The following RORB variants were observed in gnomAD, a reference collection of about 807,000 sequenced individuals.
RORB encodes the protein RAR related orphan receptor B.
RORB carries 6 observed loss-of-function variants against 59.1 expected under a neutral mutation model. That is an observed-to-expected ratio of 0.10 (90% CI 0.06 to 0.20). The LOEUF (loss-of-function observed/expected upper bound fraction) is 0.20. Ranked by LOEUF, RORB falls within the 10% of genes least tolerant of loss-of-function variation. RORB has a pLI of 1.00. For synonymous variants in RORB, 215 were observed against 204.5 expected, an observed-to-expected ratio of 1.05 and a Z score of -0.44; for missense variants, 320 against 560.5, an observed-to-expected ratio of 0.57 and a Z score of 4.33.
At chr9:74,592,461 G>A (rs1024207310) in intron 1 of RORB, among the ~76,000 whole-genome samples, 3 of 152,174 alleles carry the variant, frequency 2.0e-5, no homozygotes, top group Non-Finnish European at 4.4e-5. Context: ...AGAACCAAGG[G>A]CATAGAGAAA....
chr9:74,672,260 G>A, intron 9 of RORB, among the ~76,000 whole-genome samples: 1 of 152,096 alleles, frequency 6.6e-6, no homozygotes, highest in East Asian at 1.9e-4. Flanking sequence ...CCAGGTCTGG[G>A]ACAAAGTTAA....
intron 1 of RORB, chr9:74,498,340 G>T (rs907505599): frequency 7.5e-6 from 2 of 267,614 alleles, no homozygotes; most frequent in South Asian, 9.9e-5. Context: ...CTCTGGACAG[G>T]AGCAGTTTGG....
At chr9:74,591,367 A>G (rs1273120257) in intron 1 of RORB, among the ~76,000 whole-genome samples, 1 of 152,200 alleles carries the variant, frequency 6.6e-6, no homozygotes, top group Admixed American at 6.5e-5. Flanking sequence ...AGCAGGCAAA[A>G]CATCATGGTC....
rs1452977385 is a variant in RORB, at chr9:74,497,993, TCTGCGGGCACCG to T, written c.7+11_7+22del. On this transcript the variant is annotated intron_variant, in intron 1 of 9. Transcript: ENST00000376896. ...GGCCACACCATGCGAGGTAAGCGAG[TCTGCGGGCACCG>T]AGGCTCCCCGAGTCCGGCCAACTCC... The T allele has an allele frequency of 1.9e-6, 3 of 1,608,982 alleles. No homozygotes were observed. Among genetic ancestry groups the T allele is most frequent in the Non-Finnish European group, 2.5e-6 (3 of 1,179,102 alleles).
intron 1 of RORB, among the ~76,000 whole-genome samples, chr9:74,563,010 G>A (rs1253391358): frequency 6.6e-6 from 1 of 151,924 alleles, no homozygotes; most frequent in Non-Finnish European, 1.5e-5. Flanking sequence ...TATAATCACA[G>A]TACACTCATC....
chr9:74,641,753 A>T (rs1181666714), intron 3 of RORB, among the ~76,000 whole-genome samples: 2 of 151,800 alleles, frequency 1.3e-5, no homozygotes, highest in Non-Finnish European at 2.9e-5. Flanking sequence ...TTAAAAAAAA[A>T]AAAAATAGCT....
At chr9:74,539,386 G>T (rs1174662433) in intron 1 of RORB, among the ~76,000 whole-genome samples, 1 of 152,102 alleles carries the variant, frequency 6.6e-6, no homozygotes, top group East Asian at 1.9e-4. Flanking sequence ...CTGTAAAAAT[G>T]AGCGCACAGC....
At chr9:74,629,955 G>T (rs1436029208) in intron 1 of RORB, among the ~76,000 whole-genome samples, 1 of 152,184 alleles carries the variant, frequency 6.6e-6, no homozygotes, top group Non-Finnish European at 1.5e-5. Context: ...AAAGCCGTGG[G>T]TTCAAAGGCT....
intron 4 of RORB, among the ~76,000 whole-genome samples, chr9:74,653,440 G>T (rs962902626): frequency 1.6e-4 from 25 of 151,600 alleles, no homozygotes; most frequent in African/African-American, 6.1e-4. Context: ...GTATTTTTAG[G>T]AAGAATACTT....
chr9:74,525,425 G>C (rs889446731), intron 1 of RORB, among the ~76,000 whole-genome samples: 1 of 151,914 alleles, frequency 6.6e-6, no homozygotes, highest in African/African-American at 2.4e-5. Context: ...CATAAAGTTA[G>C]GCAGTAGGGT....
chr9:74,537,063 C>G (rs1019058221), intron 1 of RORB, among the ~76,000 whole-genome samples: 2 of 151,918 alleles, frequency 1.3e-5, no homozygotes, highest in Non-Finnish European at 2.9e-5. Flanking sequence ...GGAAACTGAG[C>G]CCAAGAGGTT....
chr9:74,503,302 A>C (rs1382906378), intron 1 of RORB, among the ~76,000 whole-genome samples: 2 of 152,076 alleles, frequency 1.3e-5, no homozygotes, highest in Non-Finnish European at 2.9e-5. Context: ...ACTTAACAGA[A>C]TCCCCAGCAG....
chr9:74,601,898 G>A (rs535942248), intron 1 of RORB, among the ~76,000 whole-genome samples: 2 of 152,258 alleles, frequency 1.3e-5, no homozygotes, highest in South Asian at 4.2e-4. Flanking sequence ...AACAAGCAAA[G>A]CAACTTCTTA....
At chr9:74,567,811 C>T (rs1024925829) in intron 1 of RORB, among the ~76,000 whole-genome samples, 2 of 152,168 alleles carry the variant, frequency 1.3e-5, no homozygotes, top group Non-Finnish European at 2.9e-5. Flanking sequence ...TCCTTTCATT[C>T]GAAGGCATTG....
chr9:74,508,987 T>A (rs1331850087), intron 1 of RORB, among the ~76,000 whole-genome samples: 2 of 152,042 alleles, frequency 1.3e-5, no homozygotes, highest in Non-Finnish European at 2.9e-5. Flanking sequence ...ATGGCATTAA[T>A]ACTTGCTAAG....
chr9:74,614,205 C>T (rs901314207), intron 1 of RORB, among the ~76,000 whole-genome samples: 2 of 152,206 alleles, frequency 1.3e-5, no homozygotes, highest in African/African-American at 4.8e-5. Flanking sequence ...GTTGCGTGTG[C>T]ATAGACTTGT....
intron 1 of RORB, among the ~76,000 whole-genome samples, chr9:74,501,070 T>G (rs1454249599): frequency 1.3e-5 from 2 of 152,112 alleles, no homozygotes. Context: ...TCTTGAAAGA[T>G]CTGTGGGCTG....
At chr9:74,670,158 G>A (rs1824325592) in intron 8 of RORB, among the ~76,000 whole-genome samples, 1 of 151,808 alleles carries the variant, frequency 6.6e-6, no homozygotes, top group Non-Finnish European at 1.5e-5. Flanking sequence ...TTCTCTGTTA[G>A]CAGCCACATG....
At chr9:74,559,075 T>G (rs1822355078) in intron 1 of RORB, among the ~76,000 whole-genome samples, 2 of 152,188 alleles carry the variant, frequency 1.3e-5, no homozygotes, top group African/African-American at 4.8e-5. Context: ...TAAAATGTTG[T>G]ATTTGGTGGC....
Sources: gnomAD v4.1 joint callset for allele counts (sites outside exome capture counted in the v4.1 genomes callset) on GRCh38, gnomAD v4.1.1 for gene constraint, MANE v1.5 for transcripts, NCBI Gene and HGNC (gene_info 2026-07-23, HGNC 2026-07-21) for gene names.